The following CDH7 variants were observed in gnomAD, a reference collection of about 807,000 sequenced individuals.
CDH7 encodes the protein cadherin 7.
Under a neutral mutation model 71.8 loss-of-function variants are expected in CDH7, and 25 were observed. That is an observed-to-expected ratio of 0.35 (90% CI 0.25 to 0.49). The LOEUF is 0.49. Among genes scored for constraint, CDH7 ranks in the 20% least tolerant of loss-of-function variants. The pLI is 0.99. For synonymous variants in CDH7, 381 were observed against 363.8 expected (o/e 1.05, Z -0.54); for missense variants, 862 against 974.6 (o/e 0.88, Z 1.54).
At chr18:65,869,189 G>A (rs369548384) in intron 11 of CDH7, among the ~76,000 whole-genome samples, 10 of 149,702 alleles carry the variant, frequency 6.7e-5, no homozygotes, top group African/African-American at 2.5e-4. Flanking sequence ...ATTTGTTTCT[G>A]TCTCTTATTG....
Position 65,771,438 on chromosome 18 carries a change from G to C in CDH7, c.210+8386G>C, listed in dbSNP as rs558049427. Among the ~76,000 whole-genome samples the C allele has an allele frequency of 2.1e-3, 307 of 146,132 alleles. 2 individuals carry two copies. Among genetic ancestry groups the C allele is most frequent in the Middle Eastern group, 0.011 (3 of 270 alleles). On this transcript the variant is annotated intron_variant, in intron 2 of 11. Transcript: ENST00000397968. ...GTGGATCTCTTGAAATCAGGAGTTT[G>C]AGACCAGCCTGGCCAACATGGTGAA...
chr18:65,804,693 AAC>A (rs1568194395), intron 2 of CDH7, among the ~76,000 whole-genome samples: 1 of 64,442 alleles, frequency 1.6e-5, no homozygotes, highest in Non-Finnish European at 3.7e-5. Flanking sequence ...ACCCTCCCTT[AAC>A]ACACGTGTGT....
chr18:65,798,235 G>C (rs1568190830), intron 2 of CDH7, among the ~76,000 whole-genome samples: 1 of 152,056 alleles, frequency 6.6e-6, no homozygotes, highest in South Asian at 2.1e-4. Context: ...GGAAAAATAA[G>C]AGTATGTCAG....
At chr18:65,879,453 A>G (rs1224457248) in intron 11 of CDH7, among the ~76,000 whole-genome samples, 1 of 152,198 alleles carries the variant, frequency 6.6e-6, no homozygotes, top group Non-Finnish European at 1.5e-5. Flanking sequence ...CATATTTTTA[A>G]ATTCCAAAAT....
chr18:65,783,574 G>T (rs993410546), intron 2 of CDH7, among the ~76,000 whole-genome samples: 1 of 152,110 alleles, frequency 6.6e-6, no homozygotes, highest in East Asian at 1.9e-4. Context: ...ACCCTTAATA[G>T]TATATACAGT....
intron 2 of CDH7, among the ~76,000 whole-genome samples, chr18:65,786,459 C>G (rs901272440): frequency 3.9e-5 from 6 of 152,250 alleles, no homozygotes; most frequent in African/African-American, 1.4e-4. Context: ...GTGTGAGGCT[C>G]TAAATCTTAG....
intron 6 of CDH7, among the ~76,000 whole-genome samples, chr18:65,841,163 T>C (rs1912718912): frequency 6.6e-6 from 1 of 152,196 alleles, no homozygotes; most frequent in African/African-American, 2.4e-5. Flanking sequence ...TTTATTGCTT[T>C]ATTTTCATAA....
chr18:65,821,410 A>G (rs1396682284), intron 4 of CDH7, among the ~76,000 whole-genome samples: 2 of 152,118 alleles, frequency 1.3e-5, no homozygotes, highest in East Asian at 1.9e-4. Flanking sequence ...AAATATGTAG[A>G]CACACATAAG....
chr18:65,779,355 A>G (rs1293155568), intron 2 of CDH7, among the ~76,000 whole-genome samples: 1 of 112,950 alleles, frequency 8.9e-6, no homozygotes, highest in African/African-American at 3.8e-5. Flanking sequence ...CACATTGTGC[A>G]GGTTAGTTAC....
intron 1 of CDH7, among the ~76,000 whole-genome samples, chr18:65,757,670 C>T (rs2143775449): frequency 6.6e-6 from 1 of 152,232 alleles, no homozygotes; most frequent in South Asian, 2.1e-4. Context: ...TGATTTACCT[C>T]TGTGCCCTTC....
rs1568182432 is a variant in CDH7, at chr18:65,782,086, CCTTCCTTCCTTCCTTCCTTCCT to C, written c.210+19035_210+19056del. On this transcript the variant is annotated intron_variant, in intron 2 of 11. Coordinates refer to ENST00000397968, the MANE Select transcript of CDH7 (RefSeq NM_004361.5). ...CCTTTCTTTCTTTCTTTCTTTCCTT[CCTTCCTTCCTTCCTTCCTTCCT>C]TCTTTCTTTCTTTCTTTCTTTCTTT... 4.5e-4 allele frequency among the ~76,000 whole-genome samples: 22 copies of C among 49,424 alleles called. 3 individuals carry two copies. The highest frequency in any genetic ancestry group is 3.9e-3 in the African/African-American group (20 of 5,064). The allele number at this position is 49,424 out of a possible 152,430, so 32.4% of individuals were successfully genotyped here. A position where few individuals can be genotyped will look rare whatever the true frequency, so the allele number is the denominator to read the frequency against.
chr18:65,808,636 A>C (rs1476332865), intron 2 of CDH7, among the ~76,000 whole-genome samples: 2 of 152,216 alleles, frequency 1.3e-5, no homozygotes, highest in African/African-American at 2.4e-5. Flanking sequence ...CTCAACAGCT[A>C]CAGGGAAGGA....
At chr18:65,800,989 G>A (rs534460129) in intron 2 of CDH7, among the ~76,000 whole-genome samples, 1 of 152,198 alleles carries the variant, frequency 6.6e-6, no homozygotes, top group Admixed American at 6.5e-5. Context: ...CCCGGGCTCA[G>A]CTTGGTTTTC....
At chr18:65,858,562 A>G (rs939493230) in intron 8 of CDH7, among the ~76,000 whole-genome samples, 1 of 152,026 alleles carries the variant, frequency 6.6e-6, no homozygotes, top group Non-Finnish European at 1.5e-5. Flanking sequence ...TTTTCTCATC[A>G]GGGACTAAAA....
intron 9 of CDH7, 107 bp downstream of exon 9, chr18:65,859,153 T>A: frequency 9.4e-7 from 1 of 1,063,418 alleles, no homozygotes; most frequent in Non-Finnish European, 1.4e-6. Context: ...TATAATCAGC[T>A]TGTTTCAGCA....
intron 4 of CDH7, 124 bp from the exon 5 acceptor site, chr18:65,821,957 T>G: frequency 1.4e-6 from 1 of 697,388 alleles, no homozygotes; most frequent in Non-Finnish European, 2.5e-6. Context: ...AGTAAAATTA[T>G]TTAAAGTAAA....
At chr18:65,826,485 T>A (rs1032383917) in intron 6 of CDH7, among the ~76,000 whole-genome samples, 55 of 151,348 alleles carry the variant, frequency 3.6e-4, no homozygotes, top group Non-Finnish European at 6.2e-4. Context: ...TGTGGAGATG[T>A]TGTTTTTGCA....
intron 7 of CDH7, among the ~76,000 whole-genome samples, chr18:65,851,663 T>C (rs1467326417): frequency 1.3e-5 from 2 of 152,216 alleles, no homozygotes; most frequent in East Asian, 1.9e-4. Context: ...CCTCTTGTTA[T>C]GTAGCTGTAG....
rs1168090178 is a variant in CDH7, at chr18:65,763,079, G to A, written c.210+27G>A. ...TAGGGTATTGTGACCTTTCAAAGTT[G>A]TAAATGATTATTGTCCATGTCTATG... is the stretch of plus-strand genomic sequence containing the variant. On this transcript the variant is annotated intron_variant, in intron 2 of 11. Transcript: ENST00000397968. The A allele has an allele frequency of 3.3e-6, 5 of 1,504,604 alleles. No homozygotes were observed. The African/African-American group carries it at 6.9e-5, about 21-fold the overall frequency. 93.2% of individuals were successfully genotyped at this position (1,504,604 alleles called of 1,614,324 possible).
Sources: gnomAD v4.1 joint callset for allele counts (sites outside exome capture counted in the v4.1 genomes callset) on GRCh38, gnomAD v4.1.1 for gene constraint, MANE v1.5 for transcripts, NCBI Gene and HGNC (gene_info 2026-07-23, HGNC 2026-07-21) for gene names.